Variants in ICOS observed in about 807,000 individuals in gnomAD.
The protein encoded by ICOS is inducible T cell costimulator, also known as inducible T-cell costimulator.
In ICOS, 15 loss-of-function variants were observed where a neutral mutation model predicts 24.6. The observed-to-expected ratio is 0.61, with a 90% confidence interval of 0.41 to 0.94. The LOEUF is 0.94. ICOS is among the 40% of genes least tolerant of loss of function. ICOS has a pLI of 0.00. For synonymous variants in ICOS, 89 were observed against 77.5 expected (o/e 1.15, Z -0.78); for missense variants, 200 against 233.0 (o/e 0.86, Z 0.92).
At chr2:203,945,438 G>A (rs1307151328) in intron 1 of ICOS, among the ~76,000 whole-genome samples, 1 of 152,150 alleles carries the variant, frequency 6.6e-6, no homozygotes, top group African/African-American at 2.4e-5. Flanking sequence ...TTTGGTGAAT[G>A]AATACAGTCA....
chr2:203,955,565 T>C lies in ICOS; in HGVS notation c.59-71T>C, dbSNP rs1690062814. The C allele has an allele frequency of 1.9e-5, 25 of 1,306,984 alleles. No individual in the cohort carries two copies. The South Asian group carries it at 3.0e-4, about 16-fold the overall frequency. The allele number at this position is 1,306,984 out of a possible 1,614,324, so 81.0% of individuals were successfully genotyped here. On this transcript the variant is annotated intron_variant, in intron 1 of 4. Coordinates refer to ENST00000316386, the MANE Select transcript of ICOS (RefSeq NM_012092.4). ...TTATGCATTGAATAAATTGCTTTTA[T>C]GTTAAAATATAATTATTAGGGCAAC...
In ICOS at chr2:203,940,259, T is replaced by G. The variant is rs185477614; in HGVS notation, c.58+3387T>G. Among the ~76,000 whole-genome samples the G allele has an allele frequency of 2.1e-4, 32 of 152,336 alleles. No individual in the cohort carries two copies. The East Asian group carries it at 5.0e-3, about 24-fold the overall frequency. ...CCCCCAGACAGTGCACCCTGCTCCA[T>G]ACGTGGGTTTTGTGGAAATAATTTA... On this transcript the variant is annotated intron_variant, in intron 1 of 4. Coordinates refer to ENST00000316386, the MANE Select transcript of ICOS (RefSeq NM_012092.4).
At chr2:203,957,918 G>T in intron 4 of ICOS, 35 bp downstream of exon 4, 1 of 1,342,576 alleles carries the variant, frequency 7.4e-7, no homozygotes, top group Non-Finnish European at 1.1e-6. Flanking sequence ...GAAGGGAAGA[G>T]GTTTCTTCAC....
chr2:203,936,963 C>A, intron 1 of ICOS, 91 bp downstream of exon 1: 1 of 980,660 alleles, frequency 1.0e-6, no homozygotes, highest in Non-Finnish European at 1.6e-6. Context: ...ACCCAAAAGA[C>A]AGTGGTTTTG....
intron 1 of ICOS, among the ~76,000 whole-genome samples, chr2:203,939,300 G>A (rs1007484551): frequency 6.6e-6 from 1 of 152,046 alleles, no homozygotes; most frequent in Non-Finnish European, 1.5e-5. Flanking sequence ...ATTTGGTTGT[G>A]AATTAAGAAG....
At chr2:203,956,116 G>A in intron 2 of ICOS, 145 bp downstream of exon 2, 1 of 624,854 alleles carries the variant, frequency 1.6e-6, no homozygotes, top group Non-Finnish European at 2.8e-6. Context: ...TTATAATGAA[G>A]ATATACAGGT....
rs574930907 is a variant in ICOS at position 203,939,016 on chromosome 2, C to A, written c.58+2144C>A. Among the ~76,000 whole-genome samples the A allele has an allele frequency of 5.3e-5, 8 of 152,328 alleles. No homozygotes were observed. The East Asian group carries it at 1.5e-3, about 29-fold the overall frequency. On this transcript the variant is annotated intron_variant, in intron 1 of 4. Coordinates refer to ENST00000316386, the MANE Select transcript of ICOS (RefSeq NM_012092.4). ...GAGCCAAACTCAAGTAAACTAAGTACTTGCTTGTCCTCTGTTGTATTTTCA... is the reference window on the plus strand; with the variant it reads ...GAGCCAAACTCAAGTAAACTAAGTAATTGCTTGTCCTCTGTTGTATTTTCA...
chr2:203,952,013 T>A (rs1689986520), intron 1 of ICOS, among the ~76,000 whole-genome samples: 1 of 152,202 alleles, frequency 6.6e-6, no homozygotes, highest in Admixed American at 6.5e-5. Context: ...TCTGTATGCT[T>A]TTAAACATAC....
chr2:203,955,839 T>G lies in ICOS; in HGVS notation c.262T>G (p.Ser88Ala), dbSNP rs758698963. Reference sequence around the variant, plus strand: ...TCTGAAATTCTGCCATTCTCAGTTATCCAACAACAGTGTCTCTTTTTTTCT... The same window carrying G: ...TCTGAAATTCTGCCATTCTCAGTTAGCCAACAACAGTGTCTCTTTTTTTCT... ...KSLKFCHSQL[S>A]NNSVSFFLYN... The change falls in exon 2 of 5, where the codon TCC becomes GCC. Residue 88 changes from serine to alanine, a missense_variant. By Grantham distance (99) the Ser-to-Ala change is moderately conservative. Transcript: ENST00000316386. 2.5e-6 allele frequency: 4 copies of G among 1,613,830 alleles called. No individual in the cohort carries two copies. The South Asian group carries it at 4.4e-5, about 18-fold the overall frequency.
intron 1 of ICOS, among the ~76,000 whole-genome samples, chr2:203,937,242 G>T (rs1412073983): frequency 2.0e-5 from 3 of 152,096 alleles, no homozygotes; most frequent in Non-Finnish European, 4.4e-5. Flanking sequence ...TCTGGCATTT[G>T]GACTGGGAAT....
intron 2 of ICOS, among the ~76,000 whole-genome samples, 171 bp from the exon 3 acceptor site, chr2:203,956,488 G>A (rs1690079898): frequency 6.6e-6 from 1 of 152,026 alleles, no homozygotes; most frequent in Non-Finnish European, 1.5e-5. Flanking sequence ...TTAGTTCCTG[G>A]ATCCTTGCCA....
At chr2:203,950,174 G>C (rs1689944430) in intron 1 of ICOS, among the ~76,000 whole-genome samples, 1 of 152,216 alleles carries the variant, frequency 6.6e-6, no homozygotes, top group African/African-American at 2.4e-5. Flanking sequence ...AGTTCTGGAG[G>C]CTGGGGCCTA....
At chr2:203,957,621 G>C (rs777553629) in intron 3 of ICOS, among the ~76,000 whole-genome samples, 178 bp from the exon 4 acceptor site, 1 of 152,162 alleles carries the variant, frequency 6.6e-6, no homozygotes, top group African/African-American at 2.4e-5. Context: ...TCAGTAGAAA[G>C]CTCTTTTTAT....
intron 4 of ICOS, among the ~76,000 whole-genome samples, chr2:203,958,541 C>T (rs1000649714): frequency 6.6e-6 from 1 of 152,100 alleles, no homozygotes; most frequent in African/African-American, 2.4e-5. Context: ...AAATTCATGT[C>T]TTATGCCCTT....
In ICOS at chr2:203,952,499, A is replaced by G. The variant is rs111987364; in HGVS notation, c.59-3137A>G. 5.8e-3 allele frequency among the ~76,000 whole-genome samples: 888 copies of G among 152,332 alleles called. 9 individuals are homozygous for G. The highest frequency in any genetic ancestry group is 0.02 in the African/African-American group (846 of 41,566). On this transcript the variant is annotated intron_variant, in intron 1 of 4. Coordinates refer to ENST00000316386, the MANE Select transcript of ICOS (RefSeq NM_012092.4). ...GGCTGCTTTTAGGATTTTCACTAAG[A>G]TACATCTAGGTGTGCATACTTTTAA...
intron 1 of ICOS, among the ~76,000 whole-genome samples, chr2:203,943,000 A>C (rs997170777): frequency 2.0e-5 from 3 of 152,110 alleles, no homozygotes. Flanking sequence ...GTTTCCTGAA[A>C]TTTTTATTGT....
chr2:203,941,917 A>G (rs780029609), intron 1 of ICOS, among the ~76,000 whole-genome samples: 1 of 152,116 alleles, frequency 6.6e-6, no homozygotes, highest in Non-Finnish European at 1.5e-5. Context: ...AAGTTTAGAG[A>G]GTCAGAAACT....
chr2:203,939,095 C>T (rs1689718122), intron 1 of ICOS, among the ~76,000 whole-genome samples: 1 of 152,180 alleles, frequency 6.6e-6, no homozygotes, highest in Non-Finnish European at 1.5e-5. Flanking sequence ...GGCATTCTTA[C>T]CTTTAGTCAG....
intron 1 of ICOS, among the ~76,000 whole-genome samples, chr2:203,944,833 T>C (rs1182122083): frequency 6.6e-6 from 1 of 152,176 alleles, no homozygotes; most frequent in African/African-American, 2.4e-5. Context: ...GTCTTGGAAA[T>C]AAATATCTCA....
Sources: allele counts gnomAD v4.1 joint callset (sites outside exome capture counted in the v4.1 genomes callset), GRCh38; gene constraint gnomAD v4.1.1; transcripts MANE v1.5; gene names NCBI Gene and HGNC (gene_info 2026-07-23, HGNC 2026-07-21).